The following EHBP1 variants were observed in gnomAD, a reference collection of about 807,000 sequenced individuals.
EHBP1 encodes EH domain-binding protein 1.
A neutral mutation model predicts 144.0 loss-of-function variants in EHBP1; 55 were observed. The ratio of observed to expected loss-of-function variants is 0.38; its 90% CI spans 0.31 to 0.48. The LOEUF (loss-of-function observed/expected upper bound fraction) is 0.48, where lower values mean the gene tolerates loss of function less well. Ranked by LOEUF, EHBP1 falls within the 20% of genes least tolerant of loss-of-function variation. The pLI, the probability that EHBP1 is intolerant of heterozygous loss-of-function variation, is 0.98. For missense variants in EHBP1, 1,200 were observed against 1,364.2 expected, an observed-to-expected ratio of 0.88 and a Z score of 1.90; for synonymous variants, 469 against 472.7, an observed-to-expected ratio of 0.99 and a Z score of 0.10.
rs2034244757 is a variant in EHBP1, at chr2:62,700,425, C to G, written c.-295-6472C>G. Among the ~76,000 whole-genome samples the G allele has an allele frequency of 2.6e-5, 4 of 152,014 alleles. No homozygotes were observed. In the South Asian group the frequency reaches 8.3e-4, roughly 32 times the overall value. On this transcript the variant is annotated intron_variant, in intron 1 of 22. Transcript: ENST00000405015. ...AATTGAGGGGGCTTACATAGCATCA[C>G]TATGTTGGGGGAAGGGGATGGGGCA... is the stretch of plus-strand genomic sequence containing the variant.
intron 7 of EHBP1, among the ~76,000 whole-genome samples, chr2:62,840,496 A>C (rs1459991028): frequency 6.7e-6 from 1 of 149,472 alleles, no homozygotes; most frequent in South Asian, 2.1e-4. Flanking sequence ...AATGGGATCT[A>C]ATTAAACTAA....
intron 19 of EHBP1, among the ~76,000 whole-genome samples, chr2:63,000,690 A>C (rs2059815594): frequency 6.6e-6 from 1 of 152,050 alleles, no homozygotes; most frequent in African/African-American, 2.4e-5. Context: ...CAAGAGCAAA[A>C]CTCTGTCTCA....
At chr2:62,939,837 A>G (rs2056631471) in intron 10 of EHBP1, 1 of 167,532 alleles carries the variant, frequency 6.0e-6, no homozygotes, top group African/African-American at 2.4e-5. Flanking sequence ...TTTGAGGAAG[A>G]TATGGTTTCA....
intron 3 of EHBP1, among the ~76,000 whole-genome samples, chr2:62,762,669 A>G (rs1187340432): frequency 6.6e-6 from 1 of 152,226 alleles, no homozygotes; most frequent in Admixed American, 6.5e-5. Context: ...CCTAGAAAAT[A>G]TAAAAAGATA....
At chr2:62,698,001 G>A (rs1355650282) in intron 1 of EHBP1, among the ~76,000 whole-genome samples, 1 of 152,184 alleles carries the variant, frequency 6.6e-6, no homozygotes, top group Non-Finnish European at 1.5e-5. Flanking sequence ...TACTCAACAA[G>A]TTGGTCTTTT....
At chr2:63,026,338 G>GTGTC (rs1553517852) in intron 19 of EHBP1, among the ~76,000 whole-genome samples, 3 of 148,624 alleles carry the variant, frequency 2.0e-5, no homozygotes, top group Admixed American at 6.7e-5. Context: ...GTGTGTGTGT[G>GTGTC]TGTGTGTCTG....
intron 2 of EHBP1, among the ~76,000 whole-genome samples, chr2:62,723,306 G>C (rs1021704694): frequency 4.6e-5 from 7 of 152,086 alleles, no homozygotes; most frequent in Admixed American, 4.6e-4. Context: ...TGCAACTTTT[G>C]ATTTTTTTTC....
intron 7 of EHBP1, among the ~76,000 whole-genome samples, chr2:62,842,515 G>T (rs961188293): frequency 1.3e-5 from 2 of 152,090 alleles, no homozygotes; most frequent in South Asian, 4.1e-4. Context: ...GGAATTTTGG[G>T]GGGACATTGA....
chr2:62,787,705 G>T (rs2042911065), intron 5 of EHBP1, among the ~76,000 whole-genome samples: 1 of 152,092 alleles, frequency 6.6e-6, no homozygotes, highest in African/African-American at 2.4e-5. Context: ...GATGAAAAAA[G>T]GAAGAATAAG....
chr2:62,971,922 A>G (rs781091598), intron 14 of EHBP1, among the ~76,000 whole-genome samples: 7 of 152,214 alleles, frequency 4.6e-5, no homozygotes, highest in Non-Finnish European at 1.0e-4. Flanking sequence ...ATAATACCAT[A>G]TAGGAAAAGG....
At chr2:62,791,235 T>C (rs913737584) in intron 5 of EHBP1, among the ~76,000 whole-genome samples, 1 of 152,084 alleles carries the variant, frequency 6.6e-6, no homozygotes, top group African/African-American at 2.4e-5. Flanking sequence ...GTTTGCTTTT[T>C]ATGCTTCTTC....
intron 19 of EHBP1, among the ~76,000 whole-genome samples, chr2:63,018,012 A>C (rs2060552984): frequency 6.6e-6 from 1 of 152,096 alleles, no homozygotes; most frequent in South Asian, 2.1e-4. Context: ...AAAACTAAAA[A>C]ATTTAGCTGG....
At chr2:62,714,157 C>T (rs1288940742) in intron 2 of EHBP1, among the ~76,000 whole-genome samples, 1 of 152,026 alleles carries the variant, frequency 6.6e-6, no homozygotes, top group Non-Finnish European at 1.5e-5. Flanking sequence ...GTGGCAGGAT[C>T]CCATGAACTC....
intron 19 of EHBP1, among the ~76,000 whole-genome samples, chr2:63,020,574 C>T (rs1384321417): frequency 6.6e-6 from 1 of 151,714 alleles, no homozygotes; most frequent in Non-Finnish European, 1.5e-5. Context: ...GTTATGAGTA[C>T]TTAGCACAGA....
In EHBP1 at chr2:62,766,317, G is replaced by A. The variant is rs59447679; in HGVS notation, c.258+1956G>A. Among the ~76,000 whole-genome samples the A allele has an allele frequency of 8.0e-3, 1,220 of 152,204 alleles. 14 individuals are homozygous for A. The highest frequency in any genetic ancestry group is 0.027 in the African/African-American group (1,135 of 41,514). On this transcript the variant is annotated intron_variant, in intron 4 of 22. Coordinates refer to ENST00000431489, the MANE Select transcript of EHBP1 (RefSeq NM_001142616.3). ...GAGACCGAGAGAATGCTGCAGTCAC[G>A]TTCATCTTGAAATAGCCTAGGTACG... is the stretch of plus-strand genomic sequence containing the variant.
At chr2:62,750,287 T>C (rs2039559072) in intron 3 of EHBP1, among the ~76,000 whole-genome samples, 1 of 152,324 alleles carries the variant, frequency 6.6e-6, no homozygotes, top group South Asian at 2.1e-4. Context: ...GAAGATCTTA[T>C]GGTTGTAGAT....
chr2:62,920,764 G>A (rs986272973), intron 10 of EHBP1, among the ~76,000 whole-genome samples: 1 of 151,998 alleles, frequency 6.6e-6, no homozygotes, highest in Non-Finnish European at 1.5e-5. Flanking sequence ...CTGGGTTCAG[G>A]CAATTCTCCT....
intron 19 of EHBP1, among the ~76,000 whole-genome samples, chr2:63,028,308 T>C (rs183901264): frequency 6.6e-6 from 1 of 152,230 alleles, no homozygotes. Flanking sequence ...AACCCAAGCA[T>C]GATCAAAGCA....
intron 10 of EHBP1, among the ~76,000 whole-genome samples, chr2:62,927,722 T>C (rs947876817): frequency 6.6e-6 from 1 of 152,082 alleles, no homozygotes; most frequent in Non-Finnish European, 1.5e-5. Context: ...CAGGTAAAAT[T>C]AGGAAAGTAG....
Sources: gnomAD v4.1 joint callset for allele counts (sites outside exome capture counted in the v4.1 genomes callset) on GRCh38, gnomAD v4.1.1 for gene constraint, MANE v1.5 for transcripts, NCBI Gene and HGNC (gene_info 2026-07-23, HGNC 2026-07-21) for gene names.